DGKG: variants seen among roughly 807,000 people sequenced by gnomAD.
The protein encoded by DGKG is DAG kinase gamma.
Under a neutral mutation model 105.3 loss-of-function variants are expected in DGKG, and 78 were observed. The ratio of observed to expected loss-of-function variants is 0.74; its 90% CI spans 0.62 to 0.89. The LOEUF (loss-of-function observed/expected upper bound fraction) is 0.89. Among genes scored for constraint, DGKG ranks in the 40% least tolerant of loss-of-function variants. The probability of loss-of-function intolerance (pLI) is 0.00; values close to 1 mark genes in which losing one functional copy is unlikely to be tolerated. For missense variants in DGKG, 958 were observed against 1,020.1 expected, an observed-to-expected ratio of 0.94 and a Z score of 0.83; for synonymous variants, 346 against 367.1, an observed-to-expected ratio of 0.94 and a Z score of 0.66.
chr3:186,297,308 C>T, intron 5 of DGKG, 113 bp downstream of exon 5: 2 of 812,038 alleles, frequency 2.5e-6, no homozygotes, highest in Non-Finnish European at 4.2e-6. Context: ...ACCAGATCTG[C>T]ATAAGATTGC....
At chr3:186,224,885 C>T (rs1283228177) in intron 20 of DGKG, among the ~76,000 whole-genome samples, 1 of 152,130 alleles carries the variant, frequency 6.6e-6, no homozygotes, top group East Asian at 1.9e-4. Context: ...AGTCTGTTAG[C>T]TGCTGTGTCT....
chr3:186,236,460 G>C (rs1214196873), intron 20 of DGKG, among the ~76,000 whole-genome samples: 6 of 152,200 alleles, frequency 3.9e-5, no homozygotes, highest in Non-Finnish European at 7.4e-5. Context: ...AACATTGCAA[G>C]ATTTTCAAAA....
In DGKG at chr3:186,251,803, G is replaced by C; in HGVS notation, c.1717C>G (p.Gln573Glu). 6.2e-7 allele frequency: 1 copy of C among 1,614,050 alleles called. No homozygotes were observed. Among genetic ancestry groups the C allele is most frequent in the Non-Finnish European group, 8.5e-7 (1 of 1,179,948 alleles). Residue 573 changes from glutamine to glutamate, a missense_variant, in exon 19 of 25, where the codon CAG becomes GAG. By Grantham distance (29) the Gln-to-Glu change is conservative. Coordinates refer to ENST00000265022, the MANE Select transcript of DGKG (RefSeq NM_001346.3). ...IPREEVENGD[Q>E]VPYSIMNNYF... ...TTGTTCATGATGCTGTATGGGACCT[G>C]GTCCCCGTTTTCCACTTCCTCTCTG... is the stretch of plus-strand genomic sequence containing the variant.
At chr3:186,241,053 T>C (rs1392053600) in intron 20 of DGKG, among the ~76,000 whole-genome samples, 1 of 152,144 alleles carries the variant, frequency 6.6e-6, no homozygotes, top group Admixed American at 6.5e-5. Flanking sequence ...TGTGGCAGGA[T>C]GCACTTCCTA....
chr3:186,339,023 G>C (rs114197929), intron 1 of DGKG, among the ~76,000 whole-genome samples: 55 of 152,162 alleles, frequency 3.6e-4, no homozygotes, highest in Non-Finnish European at 7.1e-4. Context: ...TTAAATAAAT[G>C]AATCACCTTC....
intron 1 of DGKG, among the ~76,000 whole-genome samples, chr3:186,356,087 A>C (rs1726943783): frequency 6.6e-6 from 1 of 152,262 alleles, no homozygotes; most frequent in East Asian, 1.9e-4. Context: ...ATGTTGAAAA[A>C]GATGAAGAAA....
chr3:186,155,184 G>GTATTGT (rs905993833), intron 24 of DGKG, among the ~76,000 whole-genome samples: 1 of 151,930 alleles, frequency 6.6e-6, no homozygotes, highest in African/African-American at 2.4e-5. Flanking sequence ...TTTTGGTTTT[G>GTATTGT]TTTTGTTTTT....
chr3:186,273,586 G>T lies in DGKG; in HGVS notation c.911-1243C>A, dbSNP rs147812359. ...GACGGGGTTTCACCATGTTGGCCAA[G>T]ATGATCTTGGTCTCCTGACCTCGTG... is the stretch of plus-strand genomic sequence containing the variant. On this transcript the variant is annotated intron_variant, in intron 10 of 24. Transcript: ENST00000265022. 2.0e-5 allele frequency among the ~76,000 whole-genome samples: 3 copies of T among 152,140 alleles called. No individual in the cohort carries two copies. In the East Asian group the frequency reaches 5.8e-4, roughly 30 times the overall value.
chr3:186,215,553 T>C (rs1223212943), intron 20 of DGKG, among the ~76,000 whole-genome samples: 1 of 151,954 alleles, frequency 6.6e-6, no homozygotes, highest in African/African-American at 2.4e-5. Flanking sequence ...GAGAAGGGAC[T>C]GGAAAGAGAG....
chr3:186,279,725 T>A (rs1022796726), intron 9 of DGKG, 126 bp downstream of exon 9: 1 of 1,047,276 alleles, frequency 9.5e-7, no homozygotes, highest in African/African-American at 1.6e-5. Flanking sequence ...GAGAGGACTT[T>A]GGGGCTGGTC....
At chr3:186,242,723 AGAGGCTCAACACTGCCTCCAGGGG>A (rs1720750402) in intron 19 of DGKG, 155 bp from the exon 20 acceptor site, 1 of 586,194 alleles carries the variant, frequency 1.7e-6, no homozygotes, top group Admixed American at 3.1e-5. Context: ...CGGAGCCAAC[AGAGGCTCAACACTGCCTCCAGGGG>A]GATGAGCTAG....
At chr3:186,311,394 G>T (rs2268818) in intron 2 of DGKG, among the ~76,000 whole-genome samples, 6 of 152,196 alleles carry the variant, frequency 3.9e-5, no homozygotes, top group East Asian at 3.8e-4. Flanking sequence ...CAACACCAAA[G>T]AACTCTACCC....
In DGKG at chr3:186,298,185, C is replaced by A. The variant is rs369138376; in HGVS notation, c.189G>T (p.Leu63=). 6.2e-7 allele frequency: 1 copy of A among 1,613,270 alleles called. No homozygotes were observed. Among genetic ancestry groups the A allele is most frequent in the South Asian group, 1.1e-5 (1 of 90,892 alleles). The stretch of plus-strand genomic sequence containing the variant: ...TCAGTGGCTGGGGAAGGTCCACCTC[C>A]AGGTACGCCCTCATGAACAGCTTGA... ...DVFKLFMRAY[L]EVDLPQPLST... is the part of the protein sequence containing the mutation. The change falls in exon 4 of 25, where the codon CTG becomes CTT. Residue 63 remains leucine (L), a synonymous_variant. Transcript: ENST00000265022.
chr3:186,280,831 G>A (rs1722799098), intron 7 of DGKG, 87 bp from the exon 8 acceptor site: 17 of 1,122,874 alleles, frequency 1.5e-5, no homozygotes, highest in Non-Finnish European at 2.3e-5. Flanking sequence ...AGCCCAGTGG[G>A]AAGAGGGACA....
Position 186,284,803 on chromosome 3 carries a change from C to A in DGKG, c.545-94G>T. 9.7e-7 allele frequency: 1 copy of A among 1,031,298 alleles called. No individual in the cohort carries two copies. 63.9% of individuals were successfully genotyped at this position (1,031,298 alleles called of 1,614,324 possible). A position where few individuals can be genotyped will look rare whatever the true frequency, so the allele number is the denominator to read the frequency against. ...TGCCAGGTTTTTAGATTAGTTCTGT[C>A]ACCACTGTGACGAAGGTTATGGCAG... On this transcript the variant is annotated intron_variant, in intron 6 of 24. Transcript: ENST00000265022. This position sits in a 1 kb window ranked among gnomAD's most constrained non-coding sequence, Gnocchi z 4.0.
intron 2 of DGKG, among the ~76,000 whole-genome samples, chr3:186,319,156 T>C (rs1347754922): frequency 1.3e-5 from 2 of 152,160 alleles, no homozygotes; most frequent in Non-Finnish European, 2.9e-5. Context: ...TCTAAACCCA[T>C]GGGGGTCAGA....
At chr3:186,191,317 G>T (rs1277363395) in intron 21 of DGKG, among the ~76,000 whole-genome samples, 1 of 152,168 alleles carries the variant, frequency 6.6e-6, no homozygotes, top group Non-Finnish European at 1.5e-5. Context: ...ATCTTGCCAG[G>T]GATCAGAATA....
intron 3 of DGKG, among the ~76,000 whole-genome samples, chr3:186,304,591 A>T (rs999632290): frequency 3.9e-5 from 6 of 152,160 alleles, no homozygotes; most frequent in African/African-American, 1.4e-4. Context: ...TCATAAAAGG[A>T]CTCAGGAGCA....
At chr3:186,221,810 G>C (rs771215029) in intron 20 of DGKG, among the ~76,000 whole-genome samples, 2 of 152,210 alleles carry the variant, frequency 1.3e-5, no homozygotes, top group Non-Finnish European at 2.9e-5. Context: ...AGGTGGAACT[G>C]TCTGGAGGAG....
Sources: gnomAD v4.1 joint callset for allele counts (sites outside exome capture counted in the v4.1 genomes callset) on GRCh38, gnomAD v4.1.1 for gene constraint, Gnocchi (gnomAD v3.1) non-coding constraint, MANE v1.5 for transcripts, NCBI Gene and HGNC (gene_info 2026-07-23, HGNC 2026-07-21) for gene names.